Variants in STXBP5 observed in about 807,000 individuals in gnomAD.
The protein encoded by STXBP5 is syntaxin binding protein 5, also known as syntaxin-binding protein 5.
STXBP5 carries 50 observed loss-of-function variants against 152.4 expected under a neutral mutation model. That is an observed-to-expected ratio of 0.33 (90% CI 0.26 to 0.42). The LOEUF (loss-of-function observed/expected upper bound fraction) is 0.42, where lower values mean the gene tolerates loss of function less well. Ranked by LOEUF, STXBP5 falls within the 10% of genes least tolerant of loss-of-function variation. The pLI, the probability that STXBP5 is intolerant of heterozygous loss-of-function variation, is 1.00. For missense variants in STXBP5, 1,167 were observed against 1,388.6 expected (o/e 0.84, Z 2.54); for synonymous variants, 492 against 494.7 (o/e 0.99, Z 0.07).
intron 2 of STXBP5, among the ~76,000 whole-genome samples, chr6:147,215,555 A>AT (rs1777122214): frequency 6.6e-6 from 1 of 151,634 alleles, no homozygotes; most frequent in Non-Finnish European, 1.5e-5. Context: ...TAATTTTTGT[A>AT]TTTTTTTGTA....
intron 3 of STXBP5, among the ~76,000 whole-genome samples, chr6:147,238,802 C>T (rs1241653448): frequency 6.6e-6 from 1 of 152,046 alleles, no homozygotes; most frequent in East Asian, 1.9e-4. Flanking sequence ...TTACTTCATA[C>T]CATGTTTTGC....
chr6:147,329,317 T>C (rs773740915), intron 18 of STXBP5, among the ~76,000 whole-genome samples: 26 of 149,478 alleles, frequency 1.7e-4, no homozygotes, highest in Non-Finnish European at 3.3e-4. Flanking sequence ...GGAGAACTAT[T>C]TGAGTTTTTC....
intron 18 of STXBP5, chr6:147,328,884 A>G (rs1783411089): frequency 2.5e-6 from 1 of 395,180 alleles, no homozygotes. Context: ...TGTCTAAAAC[A>G]CTGTACTCAT....
At position 147,365,919 on chromosome 6, in the gene STXBP5, C is replaced by T. The variant is rs187259310; in HGVS notation, c.3081+1753C>T. The stretch of plus-strand genomic sequence containing the variant: ...AGATTAACCCTCCTTCCTGAAACAA[C>T]CTAAAACAAAGCAGACAGAACTCAT... On this transcript the variant is annotated intron_variant, in intron 25 of 27. Coordinates refer to ENST00000321680, the MANE Select transcript of STXBP5 (RefSeq NM_001127715.4). Among the ~76,000 whole-genome samples the T allele has an allele frequency of 1.1e-3, 161 of 152,254 alleles. 1 individual carries two copies. The highest frequency in any genetic ancestry group is 4.3e-3 in the Admixed American group (65 of 15,286).
chr6:147,204,965 T>C lies in STXBP5; in HGVS notation c.150+283T>C, dbSNP rs1776464999. ...TATTATCCGACCTTTAATCGTATTCTGACACTGCCAGTAATAACCTGGAAG... is the reference window on the plus strand; with the variant it reads ...TATTATCCGACCTTTAATCGTATTCCGACACTGCCAGTAATAACCTGGAAG... On this transcript the variant is annotated intron_variant, in intron 1 of 27. Transcript: ENST00000321680. The surrounding 1 kb of genome is among the most constrained non-coding windows in gnomAD (Gnocchi z 4.3). Among the ~76,000 whole-genome samples, 1 of 152,196 alleles carries C rather than the reference T, an allele frequency of 6.6e-6. No individual in the cohort carries two copies. The highest frequency in any genetic ancestry group is 1.5e-5 in the Non-Finnish European group (1 of 68,034).
intron 21 of STXBP5, among the ~76,000 whole-genome samples, chr6:147,341,377 A>T (rs1430491762): frequency 6.6e-6 from 1 of 152,196 alleles, no homozygotes; most frequent in African/African-American, 2.4e-5. Context: ...CAAAAGTATT[A>T]GGACTTCTTG....
intron 2 of STXBP5, among the ~76,000 whole-genome samples, chr6:147,213,434 A>ATATATGTGTGTGTGTGTG (rs1216361619): frequency 8.2e-5 from 7 of 85,588 alleles, no homozygotes; most frequent in African/African-American, 2.6e-4. Context: ...AATTTTATAT[A>ATATATGTGTGTGTGTGTG]TGTGTGTGTG....
At chr6:147,328,689 C>CT (rs1239694532) in intron 18 of STXBP5, 1 of 468,554 alleles carries the variant, frequency 2.1e-6, no homozygotes, top group Non-Finnish European at 4.4e-6. Context: ...CTTTTCATTG[C>CT]TTCACTAAGG....
chr6:147,385,090 C>CA lies in STXBP5; in HGVS notation c.*339dup, dbSNP rs2128424919. The CA allele has an allele frequency of 3.8e-6, 1 of 265,602 alleles. No homozygotes were observed. The highest frequency in any genetic ancestry group is 5.3e-5 in the Admixed American group (1 of 18,948). The allele number at this position is 265,602 out of a possible 1,614,324, so 16.5% of individuals were successfully genotyped here. ...ATTCCTGTATTAAACTTTCATATGC[C>CA]AAAAGGGTTTGTGCCGTTTTATCTG... On this transcript the variant is annotated 3_prime_UTR_variant, in exon 28 of 28. Transcript: ENST00000321680.
chr6:147,385,701 T>G lies in STXBP5; in HGVS notation c.*946T>G, dbSNP rs1286772559. The G allele has an allele frequency of 6.6e-6, 1 of 152,162 alleles. No homozygotes were observed. The highest frequency in any genetic ancestry group is 6.6e-5 in the Admixed American group (1 of 15,252). 9.4% of individuals were successfully genotyped at this position (152,162 alleles called of 1,614,324 possible). A position where few individuals can be genotyped will look rare whatever the true frequency, so the allele number is the denominator to read the frequency against. ...TTTTTATAAAATGTTTAACCAAATG[T>G]ACCTTTGCATTCTTTAATTAAAATT... On this transcript the variant is annotated 3_prime_UTR_variant, in exon 28 of 28. Transcript: ENST00000321680.
At chr6:147,218,753 A>G (rs930636940) in intron 2 of STXBP5, among the ~76,000 whole-genome samples, 9 of 152,222 alleles carry the variant, frequency 5.9e-5, no homozygotes, top group Admixed American at 2.6e-4. Context: ...GTTTACTGGC[A>G]TAAGCCACTG....
intron 8 of STXBP5, among the ~76,000 whole-genome samples, chr6:147,290,297 C>T (rs1781213626): frequency 6.6e-6 from 1 of 152,002 alleles, no homozygotes; most frequent in African/African-American, 2.4e-5. Flanking sequence ...ATAAAGGATA[C>T]TAGAATGTGA....
rs137903091 is a variant in STXBP5, at chr6:147,325,100, G to A, written c.1928+16G>A. The A allele has an allele frequency of 1.4e-4, 208 of 1,480,366 alleles. 2 individuals carry two copies. In the South Asian group the frequency reaches 2.5e-3, roughly 18 times the overall value. The allele number at this position is 1,480,366 out of a possible 1,614,324, so 91.7% of individuals were successfully genotyped here. A position where few individuals can be genotyped will look rare whatever the true frequency, so the allele number is the denominator to read the frequency against. Reference sequence around the variant, plus strand: ...CCTATGGACTGTAAGTATAAGTTACGTTTTTTTCTAAGTCTCTTCATAGTA... The same window carrying A: ...CCTATGGACTGTAAGTATAAGTTACATTTTTTTCTAAGTCTCTTCATAGTA... On this transcript the variant is annotated intron_variant, in intron 17 of 27. Coordinates refer to ENST00000321680, the MANE Select transcript of STXBP5 (RefSeq NM_001127715.4).
chr6:147,364,125 C>A lies in STXBP5; in HGVS notation c.3040C>A (p.Gln1014Lys). ...ALYLVSPTEIQRLTYSQETCE... is the reference protein window; with the variant it reads ...ALYLVSPTEIKRLTYSQETCE... ...ATACCTTGTTTCACCTACAGAAATC[C>A]AGAGACTTACTTATAGTCAAGAGAC... The change falls in exon 25 of 28, where the codon CAG (glutamine) becomes AAG (lysine). Residue 1014 changes from glutamine to lysine, a missense_variant. Physicochemically the swap from Gln to Lys is moderately conservative, Grantham distance 53 (BLOSUM62 1). This residue lies in a region of STXBP5 where 833 missense variants were observed against 986.3 expected (regional missense o/e 0.84). Coordinates refer to ENST00000321680, the MANE Select transcript of STXBP5 (RefSeq NM_001127715.4). 1 of 1,613,700 alleles carries A rather than the reference C, an allele frequency of 6.2e-7. No individual in the cohort carries two copies. Among genetic ancestry groups the A allele is most frequent in the East Asian group, 2.2e-5 (1 of 44,866 alleles).
intron 16 of STXBP5, among the ~76,000 whole-genome samples, chr6:147,320,574 TG>T (rs1367835419): frequency 5.5e-5 from 7 of 126,222 alleles, no homozygotes; most frequent in East Asian, 2.2e-4. Context: ...TGTGTGTGTG[TG>T]TGTGTGTGTG....
chr6:147,230,144 G>T (rs1341165323), intron 2 of STXBP5, among the ~76,000 whole-genome samples: 3 of 151,852 alleles, frequency 2.0e-5, no homozygotes, highest in African/African-American at 7.3e-5. Flanking sequence ...CTAACGTCGT[G>T]TATGCCATTG....
chr6:147,259,127 T>C (rs1176106097), intron 4 of STXBP5, among the ~76,000 whole-genome samples: 3 of 152,180 alleles, frequency 2.0e-5, no homozygotes, highest in Admixed American at 1.3e-4. Flanking sequence ...TAAAAAAATA[T>C]ATGAGTCATT....
chr6:147,288,549 A>G (rs1385664015), intron 8 of STXBP5, among the ~76,000 whole-genome samples: 2 of 152,108 alleles, frequency 1.3e-5, no homozygotes, highest in African/African-American at 4.8e-5. Context: ...GAGTTTTAAA[A>G]TGTTTAACTT....
intron 2 of STXBP5, among the ~76,000 whole-genome samples, chr6:147,208,673 G>A (rs952912567): frequency 1.3e-5 from 2 of 152,058 alleles, no homozygotes. Context: ...TGAAAAGTAG[G>A]CGATGTTTTC....
Sources: allele counts gnomAD v4.1 joint callset (sites outside exome capture counted in the v4.1 genomes callset), GRCh38; gene constraint gnomAD v4.1.1; regional missense constraint gnomAD v4.1.1; non-coding constraint Gnocchi (gnomAD v3.1); transcripts MANE v1.5; gene names NCBI Gene and HGNC (gene_info 2026-07-23, HGNC 2026-07-21).